SOX5: variants seen among roughly 807,000 people sequenced by gnomAD.
SOX5 encodes SRY-box transcription factor 5, also known as transcription factor SOX-5.
Under a neutral mutation model 92.0 loss-of-function variants are expected in SOX5, and 9 were observed. That is an observed-to-expected ratio of 0.10 (90% CI 0.06 to 0.17). SOX5 has a LOEUF of 0.17. Among genes scored for constraint, SOX5 ranks in the 10% least tolerant of loss-of-function variants. The pLI is 1.00. For synonymous variants in SOX5, 344 were observed against 336.3 expected, an observed-to-expected ratio of 1.02 and a Z score of -0.25; for missense variants, 642 against 944.5, an observed-to-expected ratio of 0.68 and a Z score of 4.20.
chr12:23,909,874 G>A lies in SOX5; in HGVS notation c.39-13850C>T, dbSNP rs558167557. ...CCCAAACACCCCCATTCCAATCCCCGACAACTGAAAGACCTTTGTGTTCCA... is the reference window on the plus strand; with the variant it reads ...CCCAAACACCCCCATTCCAATCCCCAACAACTGAAAGACCTTTGTGTTCCA... On this transcript the variant is annotated intron_variant, in intron 1 of 14. Coordinates refer to ENST00000451604, the MANE Select transcript of SOX5 (RefSeq NM_006940.6). Among the ~76,000 whole-genome samples, 10 of 150,536 alleles carry A rather than the reference G, an allele frequency of 6.6e-5. No homozygotes were observed. The South Asian group carries it at 1.1e-3, about 16-fold the overall frequency.
At chr12:23,568,649 C>T (rs1947584445) in intron 10 of SOX5, among the ~76,000 whole-genome samples, 1 of 152,060 alleles carries the variant, frequency 6.6e-6, no homozygotes, top group Admixed American at 6.6e-5. Flanking sequence ...TTGTCAGTTG[C>T]CCTTCCGATT....
intron 4 of SOX5, among the ~76,000 whole-genome samples, chr12:24,074,630 C>CAAAAAA (rs76320418): frequency 0.011 from 550 of 51,192 alleles, 39 homozygotes; most frequent in African/African-American, 0.035. Context: ...TGTAAACTAC[C>CAAAAAA]AAAAAAAAAA....
chr12:23,813,217 C>A (rs2095911640), intron 3 of SOX5, among the ~76,000 whole-genome samples: 1 of 152,068 alleles, frequency 6.6e-6, no homozygotes, highest in Admixed American at 6.6e-5. Flanking sequence ...CTTTTTATTT[C>A]TTTATACAAC....
intron 4 of SOX5, among the ~76,000 whole-genome samples, chr12:24,130,048 A>G (rs1949499991): frequency 6.6e-6 from 1 of 152,186 alleles, no homozygotes; most frequent in Admixed American, 6.6e-5. Context: ...ATCTGGAAAG[A>G]TACTTAGGAA....
intron 2 of SOX5, among the ~76,000 whole-genome samples, chr12:23,885,717 C>A (rs530403953): frequency 6.6e-6 from 1 of 152,200 alleles, no homozygotes; most frequent in African/African-American, 2.4e-5. Context: ...AAGCATTTTG[C>A]ACACAAAGGA....
intron 1 of SOX5, among the ~76,000 whole-genome samples, chr12:24,550,334 C>G (rs1426007889): frequency 6.6e-6 from 1 of 152,106 alleles, no homozygotes; most frequent in Non-Finnish European, 1.5e-5. Flanking sequence ...AAGATAGCCA[C>G]CTATGTTGTT....
At chr12:23,934,597 A>G (rs1256106940) in intron 1 of SOX5, among the ~76,000 whole-genome samples, 1 of 151,040 alleles carries the variant, frequency 6.6e-6, no homozygotes, top group African/African-American at 2.4e-5. Flanking sequence ...CCACCAGTTT[A>G]TACAATACAT....
rs114451352 is a variant in SOX5 at position 24,049,024 on chromosome 12, G to C, written c.-1-153000C>G. ...ATATTTTGTACAACTACATCTCAAT[G>C]TAAATGATGTCCTAATAAAGTTATT... On this transcript the variant is annotated intron_variant, in intron 4 of 4. Coordinates refer to the SOX5 transcript ENST00000446891. Among the ~76,000 whole-genome samples, 875 of 152,230 alleles carry C rather than the reference G, an allele frequency of 5.7e-3. 11 individuals carry two copies. Among genetic ancestry groups the C allele is most frequent in the African/African-American group, 0.02 (845 of 41,550 alleles).
At chr12:23,838,112 T>G (rs1181241563) in intron 3 of SOX5, among the ~76,000 whole-genome samples, 4 of 140,094 alleles carry the variant, frequency 2.9e-5, no homozygotes, top group Admixed American at 7.6e-5. Flanking sequence ...TACTATATAT[T>G]TATATTTATA....
intron 6 of SOX5, among the ~76,000 whole-genome samples, chr12:23,726,096 T>C (rs898245967): frequency 3.5e-5 from 5 of 142,450 alleles, no homozygotes; most frequent in Non-Finnish European, 7.6e-5. Context: ...TGAAGAATAA[T>C]GGTGTTAAAT....
At chr12:23,937,757 G>A (rs1307514281) in intron 1 of SOX5, among the ~76,000 whole-genome samples, 3 of 150,878 alleles carry the variant, frequency 2.0e-5, no homozygotes. Flanking sequence ...AGATTATGGA[G>A]GGAACAAAAT....
intron 3 of SOX5, among the ~76,000 whole-genome samples, chr12:23,814,122 GGTAA>G (rs2095936742): frequency 6.6e-6 from 1 of 151,986 alleles, no homozygotes; most frequent in Non-Finnish European, 1.5e-5. Flanking sequence ...TTTAGTGCTT[GGTAA>G]GTATTTTTTC....
At chr12:23,985,765 G>A (rs775315753) in intron 4 of SOX5, among the ~76,000 whole-genome samples, 11 of 151,792 alleles carry the variant, frequency 7.2e-5, no homozygotes, top group African/African-American at 9.7e-5. Context: ...CCACAGAAAC[G>A]TATTATCTTG....
chr12:24,187,917 C>T (rs1011807847), intron 4 of SOX5, among the ~76,000 whole-genome samples: 7 of 152,258 alleles, frequency 4.6e-5, no homozygotes, highest in South Asian at 2.1e-4. Flanking sequence ...TACTTAGCAA[C>T]GGAGTTTTAA....
intron 4 of SOX5, among the ~76,000 whole-genome samples, chr12:24,201,653 A>G (rs1266700643): frequency 6.6e-6 from 1 of 152,216 alleles, no homozygotes; most frequent in Non-Finnish European, 1.5e-5. Context: ...TCAAGTTGCT[A>G]TCGATCCTTT....
At position 23,755,629 on chromosome 12, in the gene SOX5, C is replaced by A. The variant is rs369232926; in HGVS notation, c.568+9G>T. On this transcript the variant is annotated intron_variant, in intron 4 of 14. Transcript: ENST00000451604. ...TACATTTTGGATAAAAACAATCACA[C>A]CATATTACCTTTTATTTCGCCAAAG... 4.2e-4 allele frequency: 666 copies of A among 1,571,660 alleles called. No individual in the cohort carries two copies. The highest frequency in any genetic ancestry group is 5.7e-4 in the South Asian group (49 of 86,316).
At chr12:24,320,439 A>G (rs150061284) in intron 2 of SOX5, among the ~76,000 whole-genome samples, 23 of 152,262 alleles carry the variant, frequency 1.5e-4, no homozygotes, top group Non-Finnish European at 2.9e-4. Flanking sequence ...CTCAATTCCT[A>G]TATCTATTCT....
intron 3 of SOX5, among the ~76,000 whole-genome samples, chr12:23,843,963 T>A (rs924322179): frequency 6.6e-6 from 1 of 152,218 alleles, no homozygotes; most frequent in Non-Finnish European, 1.5e-5. Context: ...AAAGTACAGA[T>A]GCTCCTAGAC....
intron 1 of SOX5, among the ~76,000 whole-genome samples, chr12:24,511,596 A>C (rs1949308874): frequency 6.6e-6 from 1 of 152,230 alleles, no homozygotes. Context: ...AATTTTAGTG[A>C]ATCAGATATA....
Sources: gnomAD v4.1 joint callset for allele counts (sites outside exome capture counted in the v4.1 genomes callset) on GRCh38, gnomAD v4.1.1 for gene constraint, MANE v1.5 for transcripts, NCBI Gene and HGNC (gene_info 2026-07-23, HGNC 2026-07-21) for gene names.